NEK7: variants seen among roughly 807,000 people sequenced by gnomAD.
NEK7 encodes the protein NIMA related kinase 7.
A neutral mutation model predicts 44.6 loss-of-function variants in NEK7; 18 were observed. That is an observed-to-expected ratio of 0.40 (90% confidence interval 0.28 to 0.60). NEK7 has a LOEUF of 0.60. Ranked by LOEUF, NEK7 falls within the 20% of genes least tolerant of loss-of-function variation. NEK7 has a pLI of 0.38. For synonymous variants in NEK7, 130 were observed against 121.1 expected (o/e 1.07, Z -0.48); for missense variants, 256 against 366.5 (o/e 0.70, Z 2.46).
chr1:198,214,356 G>T (rs1423748469), intron 1 of NEK7, among the ~76,000 whole-genome samples: 1 of 152,098 alleles, frequency 6.6e-6, no homozygotes, highest in Non-Finnish European at 1.5e-5. Flanking sequence ...ACCAGGCAAA[G>T]AATTCAAAAA....
chr1:198,238,357 G>T (rs1425731244), intron 2 of NEK7, among the ~76,000 whole-genome samples: 1 of 152,046 alleles, frequency 6.6e-6, no homozygotes, highest in African/African-American at 2.4e-5. Context: ...CAAGGGGCGG[G>T]GTGGGGTGAG....
intron 1 of NEK7, chr1:198,221,228 A>G (rs1666070303): frequency 6.6e-6 from 1 of 152,026 alleles, no homozygotes; most frequent in Admixed American, 6.6e-5. Flanking sequence ...CTATTTAAAT[A>G]ATCTTTGGAA....
intron 3 of NEK7, among the ~76,000 whole-genome samples, chr1:198,254,724 G>T (rs1285366979): frequency 6.6e-6 from 1 of 152,124 alleles, no homozygotes; most frequent in Non-Finnish European, 1.5e-5. Context: ...GGATGCATGT[G>T]TACTGCAAGT....
At chr1:198,192,189 T>A (rs563806965) in intron 1 of NEK7, among the ~76,000 whole-genome samples, 5 of 152,008 alleles carry the variant, frequency 3.3e-5, no homozygotes, top group South Asian at 4.1e-4. Flanking sequence ...AATTTTTTTT[T>A]TATATTCTTC....
chr1:198,317,039 T>C (rs1655391059), intron 9 of NEK7, among the ~76,000 whole-genome samples: 1 of 152,214 alleles, frequency 6.6e-6, no homozygotes, highest in African/African-American at 2.4e-5. Flanking sequence ...TTCGTAGGTT[T>C]TCTTTCTTTT....
chr1:198,193,592 A>C (rs1400017852), intron 1 of NEK7, among the ~76,000 whole-genome samples: 2 of 152,222 alleles, frequency 1.3e-5, no homozygotes, highest in Admixed American at 6.5e-5. Flanking sequence ...ACAGCAGCAC[A>C]TCAAAAAGCT....
chr1:198,247,298 T>C (rs7529723), intron 2 of NEK7, among the ~76,000 whole-genome samples: 4,274 of 152,304 alleles, frequency 0.028, 195 homozygotes, highest in African/African-American at 0.097. Flanking sequence ...AGACTTAACA[T>C]TGAAAATATC....
intron 7 of NEK7, among the ~76,000 whole-genome samples, chr1:198,285,546 T>C (rs1654341035): frequency 6.6e-6 from 1 of 152,094 alleles, no homozygotes; most frequent in Admixed American, 6.6e-5. Flanking sequence ...CATATCAACA[T>C]ACGTTTTTGT....
At chr1:198,262,906 A>AT (rs914534993) in intron 4 of NEK7, among the ~76,000 whole-genome samples, 5 of 151,338 alleles carry the variant, frequency 3.3e-5, no homozygotes, top group African/African-American at 9.7e-5. Flanking sequence ...ACATTGAAGA[A>AT]TTTTTTTTTC....
At chr1:198,157,513 C>G (rs1254847635) in intron 1 of NEK7, among the ~76,000 whole-genome samples, 3 of 152,210 alleles carry the variant, frequency 2.0e-5, no homozygotes, top group Non-Finnish European at 4.4e-5. Flanking sequence ...GGCCCCGGCT[C>G]TAGAGGCCCG....
intron 7 of NEK7, among the ~76,000 whole-genome samples, chr1:198,289,575 G>T (rs1367002447): frequency 6.6e-6 from 1 of 152,128 alleles, no homozygotes; most frequent in African/African-American, 2.4e-5. Flanking sequence ...CACTGGTTTT[G>T]TGCTGCCTCC....
chr1:198,301,052 T>C (rs577922947), intron 9 of NEK7, among the ~76,000 whole-genome samples: 2 of 152,232 alleles, frequency 1.3e-5, no homozygotes, highest in Non-Finnish European at 2.9e-5. Context: ...CACAAACTTA[T>C]CTCATGAAAC....
At chr1:198,312,046 C>T (rs939444488) in intron 9 of NEK7, among the ~76,000 whole-genome samples, 19 of 152,236 alleles carry the variant, frequency 1.2e-4, no homozygotes, top group Admixed American at 4.6e-4. Flanking sequence ...TGGTAGAATT[C>T]GGCTGTAAAT....
chr1:198,250,245 G>C (rs1652887126), intron 2 of NEK7, among the ~76,000 whole-genome samples: 1 of 146,712 alleles, frequency 6.8e-6, no homozygotes, highest in South Asian at 2.2e-4. Context: ...CTATATCTCT[G>C]TTTTGGTACC....
At chr1:198,159,154 C>T (rs545938908) in intron 1 of NEK7, among the ~76,000 whole-genome samples, 1 of 152,298 alleles carries the variant, frequency 6.6e-6, no homozygotes, top group Non-Finnish European at 1.5e-5. Flanking sequence ...TGACGGCCTT[C>T]GCAGCCAATG....
intron 2 of NEK7, among the ~76,000 whole-genome samples, chr1:198,252,151 G>T (rs1373044614): frequency 1.3e-5 from 2 of 152,092 alleles, no homozygotes; most frequent in Admixed American, 1.3e-4. Flanking sequence ...TCATTCAGGA[G>T]CAGGTTGTTC....
At chr1:198,248,575 A>G (rs961227643) in intron 2 of NEK7, among the ~76,000 whole-genome samples, 2 of 152,194 alleles carry the variant, frequency 1.3e-5, no homozygotes, top group Non-Finnish European at 2.9e-5. Context: ...TGCCTGGCAC[A>G]TGGTAAATAT....
intron 1 of NEK7, among the ~76,000 whole-genome samples, chr1:198,226,118 A>G (rs1310013082): frequency 6.6e-6 from 1 of 152,018 alleles, no homozygotes; most frequent in African/African-American, 2.4e-5. Context: ...TATTTTATAT[A>G]TTAAAATATA....
intron 7 of NEK7, among the ~76,000 whole-genome samples, chr1:198,279,413 A>G (rs536498020): frequency 6.6e-6 from 1 of 152,148 alleles, no homozygotes; most frequent in African/African-American, 2.4e-5. Flanking sequence ...ATTTAAAAAT[A>G]CAATAGTAGT....
Sources: gnomAD v4.1 joint callset for allele counts (sites outside exome capture counted in the v4.1 genomes callset) on GRCh38, gnomAD v4.1.1 for gene constraint, MANE v1.5 for transcripts, NCBI Gene and HGNC (gene_info 2026-07-23, HGNC 2026-07-21) for gene names.